FRAS1: variants seen among roughly 807,000 people sequenced by gnomAD.
FRAS1 encodes Fraser extracellular matrix complex subunit 1, also known as extracellular matrix organizing protein FRAS1.
FRAS1 carries 290 observed loss-of-function variants against 435.2 expected under a neutral mutation model. The ratio of observed to expected loss-of-function variants is 0.67; its 90% CI spans 0.61 to 0.73. The LOEUF is 0.73. Ranked by LOEUF, FRAS1 falls within the 30% of genes least tolerant of loss-of-function variation. The pLI is 0.00. For synonymous variants in FRAS1, 1,800 were observed against 1,851.0 expected (o/e 0.97, Z 0.71); for missense variants, 4,860 against 5,001.5 (o/e 0.97, Z 0.85).
chr4:78,149,891 T>C (rs1488923505), intron 2 of FRAS1, among the ~76,000 whole-genome samples: 1 of 152,104 alleles, frequency 6.6e-6, no homozygotes, highest in East Asian at 1.9e-4. Flanking sequence ...CTTCAACCTC[T>C]TGGCTGTGAG....
At chr4:78,477,712 T>G in intron 54 of FRAS1, 103 bp from the exon 55 acceptor site, 2 of 1,418,414 alleles carry the variant, frequency 1.4e-6, no homozygotes, top group Non-Finnish European at 1.9e-6. Context: ...CAGTCAGTGC[T>G]CTGCCCACTG....
At chr4:78,391,562 T>C (rs566748147) in intron 29 of FRAS1, among the ~76,000 whole-genome samples, 4 of 152,336 alleles carry the variant, frequency 2.6e-5, no homozygotes, top group Admixed American at 2.6e-4. Context: ...AATTGTCTTC[T>C]TTTTCATTAA....
At chr4:78,521,803 A>T (rs2109894676) in intron 68 of FRAS1, among the ~76,000 whole-genome samples, 173 bp downstream of exon 68, 1 of 152,338 alleles carries the variant, frequency 6.6e-6, no homozygotes, top group Admixed American at 6.5e-5. Flanking sequence ...CACCGTTCAG[A>T]AACAAGTTGC....
chr4:78,308,224 G>A lies in FRAS1; in HGVS notation c.1678+15G>A. 1.2e-6 allele frequency: 2 copies of A among 1,611,402 alleles called. No individual in the cohort carries two copies. The highest frequency in any genetic ancestry group is 1.1e-5 in the South Asian group (1 of 90,636). On this transcript the variant is annotated intron_variant, in intron 15 of 73. Coordinates refer to ENST00000512123, the MANE Select transcript of FRAS1 (RefSeq NM_025074.7). ...CACCTGTAGCGGTGAGTGCTGGGTT[G>A]CGATGCTGACGTGTCCTTTCCTTTT... is the stretch of plus-strand genomic sequence containing the variant.
At chr4:78,246,440 C>G (rs1007400024) in intron 4 of FRAS1, among the ~76,000 whole-genome samples, 1 of 152,168 alleles carries the variant, frequency 6.6e-6, no homozygotes, top group Admixed American at 6.5e-5. Flanking sequence ...CACTCTTTCA[C>G]TTCTGCACAA....
chr4:78,133,605 T>C (rs1719782846), intron 2 of FRAS1, among the ~76,000 whole-genome samples: 1 of 152,232 alleles, frequency 6.6e-6, no homozygotes, highest in Non-Finnish European at 1.5e-5. Context: ...ACACATTGCC[T>C]GCCTGTATCA....
intron 2 of FRAS1, among the ~76,000 whole-genome samples, chr4:78,188,508 CTT>C (rs1037467427): frequency 6.6e-6 from 1 of 152,192 alleles, no homozygotes; most frequent in Non-Finnish European, 1.5e-5. Context: ...CTCAGGGAAA[CTT>C]CAGCTCTACT....
At chr4:78,244,257 AACACACACGCAC>A (rs1348009451) in intron 3 of FRAS1, among the ~76,000 whole-genome samples, 1 of 151,932 alleles carries the variant, frequency 6.6e-6, no homozygotes, top group Non-Finnish European at 1.5e-5. Flanking sequence ...TAATAACATT[AACACACACGCAC>A]ACACACACAC....
rs771339063 is a variant in FRAS1 at position 78,438,664 on chromosome 4, A to G, written c.5312A>G (p.Glu1771Gly). The change falls in exon 39 of 74, where the codon GAG (glutamate) becomes GGG (glycine). Residue 1771 changes from glutamate to glycine, a missense_variant. Physicochemically the swap from Glu to Gly is moderately conservative, Grantham distance 98. Coordinates refer to ENST00000512123, the MANE Select transcript of FRAS1 (RefSeq NM_025074.7). ...LLRISGSEVE[E>G]LSEVSNFTME... The stretch of plus-strand genomic sequence containing the variant: ...AGAATCTCAGGATCTGAGGTGGAAG[A>G]GCTCTCAGAAGTTTCCAATTTCACA... The G allele has an allele frequency of 5.0e-6, 8 of 1,612,326 alleles. No individual in the cohort carries two copies. In the African/African-American group the frequency reaches 6.7e-5, roughly 13 times the overall value.
chr4:78,415,512 C>T (rs1041480642), intron 32 of FRAS1, among the ~76,000 whole-genome samples: 1 of 152,172 alleles, frequency 6.6e-6, no homozygotes, highest in African/African-American at 2.4e-5. Context: ...TTTGCTGCTT[C>T]CCAGATCACC....
At chr4:78,424,776 TAA>T (rs111683592) in intron 35 of FRAS1, among the ~76,000 whole-genome samples, 1 of 140,238 alleles carries the variant, frequency 7.1e-6, no homozygotes, top group African/African-American at 2.6e-5. Flanking sequence ...ACCTTGTCTA[TAA>T]AAAAAAAAAA....
chr4:78,249,050 T>TATATATATATATGCATATATATATATGC (rs1457176388), intron 4 of FRAS1, among the ~76,000 whole-genome samples: 22 of 93,588 alleles, frequency 2.4e-4, no homozygotes, highest in African/African-American at 1.0e-3. Context: ...GAACTACTGA[T>TATATATATATATGCATATATATATATGC]ATATATATAT....
At chr4:78,433,543 T>A (rs1734293298) in intron 38 of FRAS1, among the ~76,000 whole-genome samples, 1 of 152,196 alleles carries the variant, frequency 6.6e-6, no homozygotes, top group South Asian at 2.1e-4. Context: ...GCATGTAAGA[T>A]CAAGCATTAG....
intron 2 of FRAS1, among the ~76,000 whole-genome samples, chr4:78,140,633 A>G (rs574423423): frequency 8.6e-5 from 13 of 151,678 alleles, no homozygotes; most frequent in African/African-American, 1.2e-4. Context: ...GTATACGCAT[A>G]TACATATGTG....
At chr4:78,173,228 T>C (rs1358135357) in intron 2 of FRAS1, among the ~76,000 whole-genome samples, 1 of 152,202 alleles carries the variant, frequency 6.6e-6, no homozygotes, top group East Asian at 1.9e-4. Flanking sequence ...TTCTAGGTCT[T>C]TAAGGAGGTG....
At position 78,308,062 on chromosome 4, in the gene FRAS1, G is replaced by A. The variant is rs749569960; in HGVS notation, c.1535-4G>A. The A allele has an allele frequency of 4.9e-5, 78 of 1,591,680 alleles. 2 individuals are homozygous for A. The South Asian group carries it at 8.4e-4, about 17-fold the overall frequency. ...TACTCACTGATTTTGCTATTCGTCT[G>A]CAGTCTGCCATGAGTCCTGTGCAGG... On this transcript the variant is annotated splice_polypyrimidine_tract_variant and splice_region_variant and intron_variant, in intron 14 of 73. Transcript: ENST00000512123.
At chr4:78,329,671 C>T (rs984732027) in intron 18 of FRAS1, among the ~76,000 whole-genome samples, 1 of 152,216 alleles carries the variant, frequency 6.6e-6, no homozygotes, top group Non-Finnish European at 1.5e-5. Flanking sequence ...TGGAATACTT[C>T]GGATTTCTGT....
intron 2 of FRAS1, among the ~76,000 whole-genome samples, chr4:78,076,519 C>T (rs1255991076): frequency 6.6e-6 from 1 of 152,174 alleles, no homozygotes; most frequent in Admixed American, 6.5e-5. Context: ...TTTGTATATA[C>T]TACCCTAAGT....
intron 19 of FRAS1, among the ~76,000 whole-genome samples, chr4:78,334,094 C>T (rs967558161): frequency 6.6e-6 from 1 of 152,036 alleles, no homozygotes; most frequent in Non-Finnish European, 1.5e-5. Flanking sequence ...CAGCCTGTGG[C>T]TTTTTAAAAA....
Sources: allele counts gnomAD v4.1 joint callset (sites outside exome capture counted in the v4.1 genomes callset), GRCh38; gene constraint gnomAD v4.1.1; transcripts MANE v1.5; gene names NCBI Gene and HGNC (gene_info 2026-07-23, HGNC 2026-07-21).